Variants in KIF22 observed in about 807,000 individuals in gnomAD.
KIF22 encodes the protein kinesin family member 22, also known as kinesin-like protein KIF22.
KIF22 carries 62 observed loss-of-function variants against 73.0 expected under a neutral mutation model. The ratio of observed to expected loss-of-function variants is 0.85; its 90% CI spans 0.69 to 1.05. KIF22 has a LOEUF of 1.05. Among genes scored for constraint, KIF22 ranks in the 50% least tolerant of loss-of-function variants. The pLI is 0.00. For synonymous variants in KIF22, 411 were observed against 340.1 expected (o/e 1.21, Z -2.29); for missense variants, 854 against 870.1 (o/e 0.98, Z 0.23).
Position 29,799,629 on chromosome 16 carries a change from A to C in KIF22, c.992A>C (p.Asp331Ala). Residue 331 changes from aspartate to alanine, a missense_variant and splice_region_variant, in exon 7 of 14, where the codon GAC (aspartate) becomes GCC (alanine). By Grantham distance (126) the Asp-to-Ala change is moderately radical. This residue lies in a region of KIF22 where 245 missense variants were observed against 351.8 expected (regional missense o/e 0.70). Transcript: ENST00000160827. ...CCCACTGCCTGGTCTCACCCTCAGG[A>C]CTCTCTGGGTGGCTCAGCCCACAGT... ...RDSKLTRLLQ[D>A]SLGGSAHSIL... The C allele has an allele frequency of 6.2e-7, 1 of 1,613,666 alleles. No homozygotes were observed. Among genetic ancestry groups the C allele is most frequent in the Non-Finnish European group, 8.5e-7 (1 of 1,179,906 alleles).
intron 8 of KIF22, 129 bp from the exon 9 acceptor site, chr16:29,802,640 C>A: frequency 1.2e-6 from 1 of 831,414 alleles, no homozygotes; most frequent in Non-Finnish European, 1.8e-6. Flanking sequence ...AAACTGGATG[C>A]CTAGCAAGTT....
Position 29,805,347 on chromosome 16 carries a change from A to G in KIF22, c.*37A>G, listed in dbSNP as rs1013777656. 5 of 1,600,374 alleles carry G rather than the reference A, an allele frequency of 3.1e-6. No homozygotes were observed. The highest frequency in any genetic ancestry group is 3.3e-5 in the Admixed American group (2 of 59,962). ...TCACTCCGCCTTTTCAAATTTTTGT[A>G]TAACCCCGTGTTGTGTAAATACAGT... On this transcript the variant is annotated 3_prime_UTR_variant, in exon 14 of 14. Transcript: ENST00000160827.
intron 1 of KIF22, among the ~76,000 whole-genome samples, chr16:29,794,144 T>C (rs1898891430): frequency 6.6e-6 from 1 of 152,218 alleles, no homozygotes; most frequent in South Asian, 2.1e-4. Flanking sequence ...GATGCAAAGA[T>C]GAAGGGGCTA....
At position 29,804,985 on chromosome 16, in the gene KIF22, C is replaced by T. The variant is rs746631739; in HGVS notation, c.1849C>T (p.Leu617=). 5 of 1,610,388 alleles carry T rather than the reference C, an allele frequency of 3.1e-6. No individual in the cohort carries two copies. The South Asian group carries it at 5.5e-5, about 18-fold the overall frequency. ...GCGCATTGGCCCGAAGAAGGCCCAGCTAATCGTGGGCTGGCGGGAGCTCCA... is the reference window on the plus strand; with the variant it reads ...GCGCATTGGCCCGAAGAAGGCCCAGTTAATCGTGGGCTGGCGGGAGCTCCA... ...LQRIGPKKAQ[L]IVGWRELHGP... is the part of the protein sequence containing the mutation. The change falls in exon 12 of 14, where the codon CTA becomes TTA. Residue 617 remains leucine (L), a synonymous_variant. Transcript: ENST00000160827.
chr16:29,805,045 G>A lies in KIF22; in HGVS notation c.1890+19G>A, dbSNP rs374494452. 2.5e-6 allele frequency: 4 copies of A among 1,611,426 alleles called. No individual in the cohort carries two copies. Among genetic ancestry groups the A allele is most frequent in the Non-Finnish European group, 3.4e-6 (4 of 1,178,760 alleles). On this transcript the variant is annotated intron_variant, in intron 12 of 13. Coordinates refer to ENST00000160827, the MANE Select transcript of KIF22 (RefSeq NM_007317.3). ...CAGCCAGGTAGCAGCCCACTGGACT[G>A]GGGGAGGGCGGGGGCGGGGGAGACC...
At chr16:29,799,226 G>T in intron 5 of KIF22, 38 bp from the exon 6 acceptor site, 1 of 1,610,886 alleles carries the variant, frequency 6.2e-7, no homozygotes, top group Admixed American at 1.7e-5. Flanking sequence ...AAGCCCAGGA[G>T]CCTGAGCTAA....
chr16:29,791,061 T>G, intron 1 of KIF22: 15 of 1,404,522 alleles, frequency 1.1e-5, no homozygotes, highest in Non-Finnish European at 1.3e-5. Flanking sequence ...GGGTCTCCGG[T>G]CCAGGCTCTT....
intron 1 of KIF22, chr16:29,792,481 G>A: frequency 1.2e-6 from 1 of 814,210 alleles, no homozygotes; most frequent in Non-Finnish European, 1.5e-6. Context: ...ACTTCTTGAG[G>A]GCCTACTCTG....
Position 29,803,595 on chromosome 16 carries a change from G to T in KIF22, c.1596G>T (p.Met532Ile). 6.2e-7 allele frequency: 1 copy of T among 1,608,132 alleles called. No homozygotes were observed. Among genetic ancestry groups the T allele is most frequent in the Non-Finnish European group, 8.5e-7 (1 of 1,177,432 alleles). ...AGCCCCTGAAAAAGGCTGTGGTGAT[G>T]CCCCTACAGCTAAGTAAGTTTGACT... ...GAKPLKKAVV[M>I]PLQLIQEQAA... The change falls in exon 10 of 14, where the codon ATG (methionine) becomes ATT (isoleucine). Residue 532 changes from methionine (M) to isoleucine (I), a missense_variant. Met to Ile is a conservative substitution (Grantham distance 10). Coordinates refer to ENST00000160827, the MANE Select transcript of KIF22 (RefSeq NM_007317.3).
chr16:29,797,194 T>G lies in KIF22; in HGVS notation c.266+106T>G. The G allele has an allele frequency of 1.2e-6, 1 of 823,562 alleles. No homozygotes were observed. Among genetic ancestry groups the G allele is most frequent in the East Asian group, 2.7e-5 (1 of 37,140 alleles). The allele number at this position is 823,562 out of a possible 1,614,324, so 51.0% of individuals were successfully genotyped here. A position where few individuals can be genotyped will look rare whatever the true frequency, so the allele number is the denominator to read the frequency against. ...ATCCTTGCTCCCTCCTTAGCACCGC[T>G]TTGTTCCCTGAGCCTTCACTGTTCA... On this transcript the variant is annotated intron_variant, in intron 2 of 13. Transcript: ENST00000160827. This position sits in a 1 kb window ranked among gnomAD's most constrained non-coding sequence, Gnocchi z 4.1.
intron 1 of KIF22, among the ~76,000 whole-genome samples, chr16:29,794,806 C>CCT (rs1898908869): frequency 6.6e-6 from 1 of 152,088 alleles, no homozygotes; most frequent in South Asian, 2.1e-4. Context: ...GAACTCCTGA[C>CCT]CTCAGGTGAT....
chr16:29,805,069 C>G, intron 12 of KIF22, 43 bp downstream of exon 12: 1 of 1,611,676 alleles, frequency 6.2e-7, no homozygotes, highest in Non-Finnish European at 8.5e-7. Context: ...GCGGGGGAGA[C>G]CGGGTACCCC....
At chr16:29,805,202 G>A (rs1203274477) in intron 13 of KIF22, 28 bp downstream of exon 13, 2 of 1,614,082 alleles carry the variant, frequency 1.2e-6, no homozygotes, top group Non-Finnish European at 1.7e-6. Flanking sequence ...CCCCTCCTCT[G>A]CCTGTCCTGC....
rs1372309304 is a variant in KIF22 at position 29,798,813 on chromosome 16, T to G, written c.549+66T>G. 1.3e-6 allele frequency: 2 copies of G among 1,583,068 alleles called. No homozygotes were observed. The highest frequency in any genetic ancestry group is 1.7e-6 in the Non-Finnish European group (2 of 1,162,698). ...CAAAGTAAGACCTGGTTCTAGAACA[T>G]GAAGCTCTGCTGTAGCAGGGAGGTA... On this transcript the variant is annotated intron_variant, in intron 4 of 13. Coordinates refer to ENST00000160827, the MANE Select transcript of KIF22 (RefSeq NM_007317.3). The surrounding 1 kb of genome is among the most constrained non-coding windows in gnomAD (Gnocchi z 4.1).
intron 8 of KIF22, among the ~76,000 whole-genome samples, chr16:29,802,460 A>G (rs1899175174): frequency 6.6e-6 from 1 of 151,976 alleles, no homozygotes; most frequent in Admixed American, 6.6e-5. Context: ...CCAAATGGAT[A>G]GGCACTGTCC....
Position 29,802,118 on chromosome 16 carries a change from T to C in KIF22, c.1281-651T>C, listed in dbSNP as rs111767031. Among the ~76,000 whole-genome samples the C allele has an allele frequency of 1.4e-3, 209 of 151,596 alleles. 1 individual carries two copies. Among genetic ancestry groups the C allele is most frequent in the African/African-American group, 4.7e-3 (196 of 41,366 alleles). ...CCCATCTCTACAAAAAATAAAAAAA[T>C]TAGCTGGGCATGGTGGCATGCACCT... On this transcript the variant is annotated intron_variant, in intron 8 of 13. Coordinates refer to ENST00000160827, the MANE Select transcript of KIF22 (RefSeq NM_007317.3).
chr16:29,801,542 A>G (rs1313974503), intron 8 of KIF22, among the ~76,000 whole-genome samples: 1 of 152,302 alleles, frequency 6.6e-6, no homozygotes, highest in African/African-American at 2.4e-5. Context: ...GTGTGCACCC[A>G]GAAATGTGCA....
chr16:29,791,131 G>C, intron 1 of KIF22: 2 of 1,332,666 alleles, frequency 1.5e-6, no homozygotes, highest in Non-Finnish European at 9.6e-7. Context: ...GTGAAACGGG[G>C]GTCATGGCCT....
chr16:29,804,192 T>G, intron 11 of KIF22, 127 bp downstream of exon 11: 1 of 747,426 alleles, frequency 1.3e-6, no homozygotes. Context: ...CTAACAGACC[T>G]CAACTTGCTT....
Sources: allele counts gnomAD v4.1 joint callset (sites outside exome capture counted in the v4.1 genomes callset), GRCh38; gene constraint gnomAD v4.1.1; regional missense constraint gnomAD v4.1.1; non-coding constraint Gnocchi (gnomAD v3.1); transcripts MANE v1.5; gene names NCBI Gene and HGNC (gene_info 2026-07-23, HGNC 2026-07-21).